TAOK3: variants seen among roughly 807,000 people sequenced by gnomAD.
TAOK3 encodes the protein serine/threonine-protein kinase TAO3.
Under a neutral mutation model 120.4 loss-of-function variants are expected in TAOK3, and 40 were observed. That is an observed-to-expected ratio of 0.33 (90% CI 0.26 to 0.43). The LOEUF (loss-of-function observed/expected upper bound fraction) is 0.43. TAOK3 is among the 20% of genes least tolerant of loss of function. The pLI, the probability that TAOK3 is intolerant of heterozygous loss-of-function variation, is 1.00. For synonymous variants in TAOK3, 355 were observed against 387.5 expected (o/e 0.92, Z 0.99); for missense variants, 821 against 1,112.1 (o/e 0.74, Z 3.72).
intron 1 of TAOK3, among the ~76,000 whole-genome samples, chr12:118,317,729 T>C (rs2043530253): frequency 1.3e-5 from 2 of 152,118 alleles, no homozygotes; most frequent in Admixed American, 6.6e-5. Context: ...AAAATCCCAA[T>C]GGTGTTTTGT....
chr12:118,230,470 T>G (rs1565983155), intron 9 of TAOK3, among the ~76,000 whole-genome samples: 1 of 126,422 alleles, frequency 7.9e-6, no homozygotes, highest in Non-Finnish European at 1.7e-5. Flanking sequence ...GTTTTTTTTT[T>G]TTTTTTTTTT....
intron 1 of TAOK3, among the ~76,000 whole-genome samples, chr12:118,284,888 A>G (rs2042211753): frequency 1.3e-5 from 2 of 152,286 alleles, no homozygotes; most frequent in Middle Eastern, 6.8e-3. Flanking sequence ...ATATATAGTC[A>G]AAAGGTTAAA....
At chr12:118,216,149 G>A (rs1473529393) in intron 9 of TAOK3, among the ~76,000 whole-genome samples, 1 of 152,176 alleles carries the variant, frequency 6.6e-6, no homozygotes, top group Non-Finnish European at 1.5e-5. Flanking sequence ...AGTGGGCTGA[G>A]ATCGGCCCCT....
At chr12:118,293,774 G>A (rs973183040) in intron 1 of TAOK3, among the ~76,000 whole-genome samples, 4 of 152,098 alleles carry the variant, frequency 2.6e-5, no homozygotes, top group African/African-American at 9.7e-5. Context: ...AGCACTTTGG[G>A]AGGCCGAGGC....
intron 6 of TAOK3, 73 bp downstream of exon 6, chr12:118,239,154 A>C: frequency 1.0e-6 from 1 of 993,068 alleles, no homozygotes; most frequent in Non-Finnish European, 1.6e-6. Context: ...CCCAAACTAC[A>C]CTTTAGTATG....
intron 1 of TAOK3, among the ~76,000 whole-genome samples, chr12:118,267,975 G>A (rs763049095): frequency 2.6e-5 from 4 of 151,610 alleles, no homozygotes; most frequent in Admixed American, 6.6e-5. Context: ...CTCCATGGAC[G>A]TATTTATTTC....
At chr12:118,207,858 T>TCA (rs55978716) in intron 11 of TAOK3, among the ~76,000 whole-genome samples, 5,114 of 144,410 alleles carry the variant, frequency 0.035, 112 homozygotes, top group African/African-American at 0.071. Flanking sequence ...AGACTCTGTC[T>TCA]CACACACACA....
At chr12:118,366,427 G>C (rs1454804420) in intron 1 of TAOK3, among the ~76,000 whole-genome samples, 1 of 152,086 alleles carries the variant, frequency 6.6e-6, no homozygotes, top group East Asian at 1.9e-4. Context: ...AAACATATTT[G>C]AATTGTCATA....
intron 16 of TAOK3, among the ~76,000 whole-genome samples, chr12:118,174,751 C>T (rs979701528): frequency 4.6e-5 from 7 of 151,020 alleles, no homozygotes; most frequent in Non-Finnish European, 7.4e-5. Context: ...CAACCTCTGC[C>T]TCCTGTATTC....
chr12:118,360,267 G>GAA (rs72492129), intron 1 of TAOK3, among the ~76,000 whole-genome samples: 9 of 115,052 alleles, frequency 7.8e-5, no homozygotes, highest in Non-Finnish European at 1.7e-4. Context: ...TGTCTCAAAA[G>GAA]AAAAAAAAAA....
intron 3 of TAOK3, among the ~76,000 whole-genome samples, chr12:118,253,792 G>A (rs1173015943): frequency 2.0e-5 from 3 of 148,810 alleles, no homozygotes; most frequent in East Asian, 4.0e-4. Context: ...AGTGGCTCAC[G>A]CCTGTAATCC....
At chr12:118,350,486 C>G (rs1379548862) in intron 1 of TAOK3, among the ~76,000 whole-genome samples, 4 of 152,156 alleles carry the variant, frequency 2.6e-5, no homozygotes, top group African/African-American at 9.7e-5. Flanking sequence ...TAGCACCTAA[C>G]AAGCACTCAT....
chr12:118,172,592 G>A lies in TAOK3; in HGVS notation c.1764C>T (p.Asn588=). 2.5e-6 allele frequency: 4 copies of A among 1,614,184 alleles called. No individual in the cohort carries two copies. Among genetic ancestry groups the A allele is most frequent in the East Asian group, 2.2e-5 (1 of 44,888 alleles). ...CCTCTTCAGCCTGTGTGTGCTGCAA[G>A]TTCTCTTTATGTTTGGAGATCCGCT... The part of the protein sequence containing the change: ...KQERISKHKE[N]LQHTQAEEEA... Residue 588 remains asparagine, a synonymous_variant, in exon 17 of 21, where the codon AAC becomes AAT. Coordinates refer to ENST00000392533, the MANE Select transcript of TAOK3 (RefSeq NM_016281.4).
chr12:118,330,706 A>G (rs1335304512), intron 1 of TAOK3, among the ~76,000 whole-genome samples: 1 of 151,978 alleles, frequency 6.6e-6, no homozygotes, highest in Non-Finnish European at 1.5e-5. Flanking sequence ...ATTCAAAAAA[A>G]GAGGTAAAGA....
intron 3 of TAOK3, among the ~76,000 whole-genome samples, chr12:118,253,065 T>A (rs2140126877): frequency 6.6e-6 from 1 of 152,302 alleles, no homozygotes; most frequent in Non-Finnish European, 1.5e-5. Flanking sequence ...TCTTTTATTG[T>A]ATTTAATGAC....
At chr12:118,223,062 CTTT>C (rs75334511) in intron 9 of TAOK3, among the ~76,000 whole-genome samples, 6 of 120,072 alleles carry the variant, frequency 5.0e-5, no homozygotes, top group African/African-American at 1.1e-4. Context: ...TTCTTTCTTT[CTTT>C]TTTTTTTTTT....
At chr12:118,305,283 C>T (rs1396415883) in intron 1 of TAOK3, among the ~76,000 whole-genome samples, 1 of 151,980 alleles carries the variant, frequency 6.6e-6, no homozygotes, top group Non-Finnish European at 1.5e-5. Context: ...GAGTTCAAGA[C>T]CAGCCTGATC....
intron 9 of TAOK3, among the ~76,000 whole-genome samples, chr12:118,221,824 T>A (rs750736107): frequency 1.2e-4 from 18 of 151,570 alleles, no homozygotes; most frequent in Non-Finnish European, 2.4e-4. Flanking sequence ...TTAGTAGAGA[T>A]GGGGTTTCAC....
intron 13 of TAOK3, among the ~76,000 whole-genome samples, chr12:118,197,891 G>A (rs1441612666): frequency 6.6e-6 from 1 of 151,938 alleles, no homozygotes. Context: ...GTTTCACCAT[G>A]TTAGCCGGGA....
Sources: allele counts gnomAD v4.1 joint callset (sites outside exome capture counted in the v4.1 genomes callset), GRCh38; gene constraint gnomAD v4.1.1; transcripts MANE v1.5; gene names NCBI Gene and HGNC (gene_info 2026-07-23, HGNC 2026-07-21).